IRS1: variants seen among roughly 807,000 people sequenced by gnomAD.
IRS1 encodes insulin receptor substrate 1.
Under a neutral mutation model 65.6 loss-of-function variants are expected in IRS1, and 34 were observed. That is an observed-to-expected ratio of 0.52 (90% confidence interval 0.39 to 0.69). The LOEUF is 0.69. IRS1 is among the 30% of genes least tolerant of loss of function. The probability of loss-of-function intolerance (pLI) is 0.00; values close to 1 mark genes in which losing one functional copy is unlikely to be tolerated. For missense variants in IRS1, 1,641 were observed against 1,720.2 expected, an observed-to-expected ratio of 0.95 and a Z score of 0.81; for synonymous variants, 699 against 683.5, an observed-to-expected ratio of 1.02 and a Z score of -0.35.
At chr2:226,764,278 T>G (rs987231882) in intron 1 of IRS1, among the ~76,000 whole-genome samples, 1 of 152,116 alleles carries the variant, frequency 6.6e-6, no homozygotes, top group Non-Finnish European at 1.5e-5. Flanking sequence ...GAACAGTGGC[T>G]CATATCTGTA....
In IRS1 at chr2:226,798,285, C is replaced by A. The variant is rs764594875; in HGVS notation, c.454G>T (p.Gly152Cys). The A allele has an allele frequency of 2.5e-6, 4 of 1,613,104 alleles. No homozygotes were observed. The Admixed American group carries it at 5.0e-5, about 20-fold the overall frequency. Residue 152 changes from glycine to cysteine, a missense_variant, in exon 1 of 2, where the codon GGT becomes TGT. Gly to Cys is a radical substitution (Grantham distance 159). Transcript: ENST00000305123. This position sits in a 1 kb window ranked among gnomAD's most constrained non-coding sequence, Gnocchi z 9.4. ...LGEAGEDLSYGDVPPGPAFKE... is the reference protein window; with the variant it reads ...LGEAGEDLSYCDVPPGPAFKE... ...AATGCGGGTCCTGGGGGCACGTCAC[C>A]GTAGCTCAAGTCCTCCCCAGCCTCA... is the stretch of plus-strand genomic sequence containing the variant.
chr2:226,764,725 A>G (rs1220414914), intron 1 of IRS1, among the ~76,000 whole-genome samples: 1 of 152,214 alleles, frequency 6.6e-6, no homozygotes, highest in Non-Finnish European at 1.5e-5. Flanking sequence ...GGTGCGCCAC[A>G]GCATAACCTC....
rs534398960 is a variant in IRS1 at position 226,796,439 on chromosome 2, A to C, written c.2300T>G (p.Leu767Trp). 6.2e-7 allele frequency: 1 copy of C among 1,613,682 alleles called. No individual in the cohort carries two copies. The highest frequency in any genetic ancestry group is 2.2e-5 in the East Asian group (1 of 44,884). The change falls in exon 1 of 2, where the codon TTG (leucine) becomes TGG (tryptophan). Residue 767 changes from leucine (L) to tryptophan (W), a missense_variant. Coordinates refer to ENST00000305123, the MANE Select transcript of IRS1 (RefSeq NM_005544.3). ...QHKPVLSYYS[L>W]PRSFKHTQRP... is the part of the protein sequence containing the mutation. Reference sequence around the variant, plus strand: ...CTGGGTGTGCTTAAAGGATCTTGGCAATGAGTAGTAGGAGAGGACTGGCTT... The same window carrying C: ...CTGGGTGTGCTTAAAGGATCTTGGCCATGAGTAGTAGGAGAGGACTGGCTT...
At position 226,734,820 on chromosome 2, in the gene IRS1, A is replaced by G. The variant is rs1938295914; in HGVS notation, c.*1452T>C. 6.6e-6 allele frequency: 1 copy of G among 152,220 alleles called. No homozygotes were observed. The allele number at this position is 152,220 out of a possible 1,614,324, so 9.4% of individuals were successfully genotyped here. ...AAATTCCAAGACGTGTATACTTTCC[A>G]AACAAGAAAAGAATTAACATTTTCA... On this transcript the variant is annotated 3_prime_UTR_variant, in exon 2 of 2. Transcript: ENST00000305123.
At position 226,797,761 on chromosome 2, in the gene IRS1, G is replaced by C. The variant is rs1380928862; in HGVS notation, c.978C>G (p.Val326=). 1 of 1,595,238 alleles carries C rather than the reference G, an allele frequency of 6.3e-7. No individual in the cohort carries two copies. Among genetic ancestry groups the C allele is most frequent in the Admixed American group, 1.7e-5 (1 of 59,434 alleles). ...MVGGKPGSFR[V]RASSDGEGTM... ...TGCCTTCGCCGTCACTGGAGGCGCG[G>C]ACACGGAAGGAGCCTGGCTTCCCGC... The change falls in exon 1 of 2, where the codon GTC becomes GTG. Residue 326 remains valine (V), a synonymous_variant. Coordinates refer to ENST00000305123, the MANE Select transcript of IRS1 (RefSeq NM_005544.3). The surrounding 1 kb of genome is among the most constrained non-coding windows in gnomAD (Gnocchi z 8.1).
rs957644474 is a variant in IRS1, at chr2:226,762,552, C to T, written c.*22-26302G>A. On this transcript the variant is annotated intron_variant, in intron 1 of 1. Transcript: ENST00000305123. ...TTGTGGACCATGTATAGTCTCTACCCCAACAACTCAACTCTGCCATTGTAG... is the reference window on the plus strand; with the variant it reads ...TTGTGGACCATGTATAGTCTCTACCTCAACAACTCAACTCTGCCATTGTAG... Among the ~76,000 whole-genome samples, 6 of 152,060 alleles carry T rather than the reference C, an allele frequency of 3.9e-5. No individual in the cohort carries two copies. In the East Asian group the frequency reaches 1.2e-3, roughly 29 times the overall value.
chr2:226,798,763 G>A lies in IRS1; in HGVS notation c.-25C>T. 3.1e-6 allele frequency: 5 copies of A among 1,600,446 alleles called. No homozygotes were observed. Among genetic ancestry groups the A allele is most frequent in the Admixed American group, 1.7e-5 (1 of 57,518 alleles). On this transcript the variant is annotated 5_prime_UTR_variant, in exon 1 of 2. It introduces an in-frame stop codon into an upstream open reading frame of the 5' UTR. Coordinates refer to ENST00000305123, the MANE Select transcript of IRS1 (RefSeq NM_005544.3). This position sits in a 1 kb window ranked among gnomAD's most constrained non-coding sequence, Gnocchi z 9.4. ...TGCTGCCACCGCCACCACCAACGCT[G>A]AGCAGAGGGAGGCTCCGAAAAACAA...
intron 1 of IRS1, among the ~76,000 whole-genome samples, chr2:226,749,289 C>T (rs10205233): frequency 0.083 from 12,566 of 152,126 alleles, 675 homozygotes; most frequent in East Asian, 0.18. Flanking sequence ...GCCAGGCAAA[C>T]GTCCTTGGAA....
chr2:226,755,101 A>T (rs1938767683), intron 1 of IRS1, among the ~76,000 whole-genome samples: 1 of 152,228 alleles, frequency 6.6e-6, no homozygotes, highest in Non-Finnish European at 1.5e-5. Context: ...AGGCATGGGG[A>T]TATTTTTATT....
rs1339153270 is a variant in IRS1, at chr2:226,796,125, G to A, written c.2614C>T (p.Pro872Ser). Residue 872 changes from proline to serine, a missense_variant, in exon 1 of 2, where the codon CCT becomes TCT. Pro to Ser is a moderately conservative substitution (Grantham distance 74). Around this residue, in one of 3 missense-constraint regions of IRS1, gnomAD observed 1,324 missense variants for 1,361.0 expected, o/e 0.97. Coordinates refer to ENST00000305123, the MANE Select transcript of IRS1 (RefSeq NM_005544.3). ...SLGDPKASTL[P>S]RAREQQQQQQ... ...TGCTGCTGCTGCTCTCGGGCCCGAGGTAAGGTGCTGGCCTTGGGATCCCCC... is the reference window on the plus strand; with the variant it reads ...TGCTGCTGCTGCTCTCGGGCCCGAGATAAGGTGCTGGCCTTGGGATCCCCC... 1 of 1,613,662 alleles carries A rather than the reference G, an allele frequency of 6.2e-7. No homozygotes were observed. The highest frequency in any genetic ancestry group is 2.2e-5 in the East Asian group (1 of 44,870).
At chr2:226,788,731 T>C (rs1021988871) in intron 1 of IRS1, among the ~76,000 whole-genome samples, 5 of 152,194 alleles carry the variant, frequency 3.3e-5, no homozygotes, top group Admixed American at 3.3e-4. Flanking sequence ...TGTAACTATG[T>C]CATATTAGTT....
chr2:226,781,152 A>C (rs971692857), intron 1 of IRS1, among the ~76,000 whole-genome samples: 5 of 152,174 alleles, frequency 3.3e-5, no homozygotes, highest in African/African-American at 1.2e-4. Context: ...TGGTTGATAC[A>C]CTTGAACCCA....
At chr2:226,737,749 C>G (rs1369097524) in intron 1 of IRS1, among the ~76,000 whole-genome samples, 14 of 152,186 alleles carry the variant, frequency 9.2e-5, no homozygotes, top group Non-Finnish European at 2.1e-4. Context: ...GAGCATCTCA[C>G]TGACACACCT....
intron 1 of IRS1, among the ~76,000 whole-genome samples, chr2:226,771,074 T>C (rs1033427265): frequency 6.6e-6 from 1 of 152,186 alleles, no homozygotes; most frequent in African/African-American, 2.4e-5. Flanking sequence ...AGCTAGATCC[T>C]GTCACTGTCA....
chr2:226,773,543 G>T (rs1939201913), intron 1 of IRS1, among the ~76,000 whole-genome samples: 1 of 148,890 alleles, frequency 6.7e-6, no homozygotes, highest in Admixed American at 6.7e-5. Context: ...GAGAGAGAAA[G>T]AAAAATCAAT....
intron 1 of IRS1, among the ~76,000 whole-genome samples, chr2:226,736,946 T>C (rs375270424): frequency 6.6e-6 from 1 of 152,166 alleles, no homozygotes; most frequent in Non-Finnish European, 1.5e-5. Flanking sequence ...TTTTTTTACT[T>C]TTTTTATTAT....
chr2:226,791,793 G>T (rs1323666360), intron 1 of IRS1, among the ~76,000 whole-genome samples: 1 of 152,094 alleles, frequency 6.6e-6, no homozygotes, highest in South Asian at 2.1e-4. Flanking sequence ...GTGCCCGAGG[G>T]CGGGGCCTCG....
intron 1 of IRS1, chr2:226,792,508 G>C (rs1939631962): frequency 6.6e-6 from 1 of 152,316 alleles, no homozygotes; most frequent in African/African-American, 2.4e-5. Flanking sequence ...CTATGCAAGA[G>C]AAAGGGCAGG....
rs759499522 is a variant in IRS1, at chr2:226,794,974, C to G, written c.*21+15G>C. 1 of 1,610,652 alleles carries G rather than the reference C, an allele frequency of 6.2e-7. No individual in the cohort carries two copies. The highest frequency in any genetic ancestry group is 8.5e-7 in the Non-Finnish European group (1 of 1,177,814). On this transcript the variant is annotated intron_variant, in intron 1 of 1. Transcript: ENST00000305123. The surrounding 1 kb of genome is among the most constrained non-coding windows in gnomAD (Gnocchi z 4.1). Reference sequence around the variant, plus strand: ...AAGCAGTTTTGTCTTCTGACTTTGTCACCATGAAACGCACCTGCTGTGATG... The same window carrying G: ...AAGCAGTTTTGTCTTCTGACTTTGTGACCATGAAACGCACCTGCTGTGATG...
Sources: allele counts gnomAD v4.1 joint callset (sites outside exome capture counted in the v4.1 genomes callset), GRCh38; gene constraint gnomAD v4.1.1; regional missense constraint gnomAD v4.1.1; non-coding constraint Gnocchi (gnomAD v3.1); transcripts MANE v1.5; gene names NCBI Gene and HGNC (gene_info 2026-07-23, HGNC 2026-07-21).